The following EFNA5 variants were observed in gnomAD, a reference collection of about 807,000 sequenced individuals.
EFNA5 encodes the protein ephrin-A5.
Under a neutral mutation model 22.9 loss-of-function variants are expected in EFNA5, and 5 were observed. That is an observed-to-expected ratio of 0.22 (90% CI 0.11 to 0.46). EFNA5 has a LOEUF of 0.46. Among genes scored for constraint, EFNA5 ranks in the 20% least tolerant of loss-of-function variants. The pLI is 0.99. For synonymous variants in EFNA5, 113 were observed against 112.2 expected, an observed-to-expected ratio of 1.01 and a Z score of -0.04; for missense variants, 237 against 293.3, an observed-to-expected ratio of 0.81 and a Z score of 1.40.
chr5:107,489,179 T>C lies in EFNA5; in HGVS notation c.126-61670A>G, dbSNP rs1314911364. Among the ~76,000 whole-genome samples the C allele has an allele frequency of 2.0e-5, 3 of 152,080 alleles. No individual in the cohort carries two copies. The East Asian group carries it at 5.8e-4, about 29-fold the overall frequency. On this transcript the variant is annotated intron_variant, in intron 1 of 4. Coordinates refer to ENST00000333274, the MANE Select transcript of EFNA5 (RefSeq NM_001962.3). The stretch of plus-strand genomic sequence containing the variant: ...ACTCATGTATTGGACCAGACAAAAT[T>C]TGTTTGTTTATTTAGATGGAGTCTT...
rs891353507 is a variant in EFNA5, at chr5:107,431,564, C to T, written c.126-4055G>A. 3.3e-5 allele frequency among the ~76,000 whole-genome samples: 5 copies of T among 152,156 alleles called. No individual in the cohort carries two copies. The South Asian group carries it at 6.2e-4, about 19-fold the overall frequency. On this transcript the variant is annotated intron_variant, in intron 1 of 4. Coordinates refer to ENST00000333274, the MANE Select transcript of EFNA5 (RefSeq NM_001962.3). ...AAATTGAGATTAAGAAGTCAAGCAACGTGCCCAATATTACACAACTAGTAA... is the reference window on the plus strand; with the variant it reads ...AAATTGAGATTAAGAAGTCAAGCAATGTGCCCAATATTACACAACTAGTAA...
chr5:107,660,955 T>C (rs1293014334), intron 1 of EFNA5, among the ~76,000 whole-genome samples: 4 of 152,064 alleles, frequency 2.6e-5, no homozygotes, highest in Non-Finnish European at 5.9e-5. Flanking sequence ...TAAAAGTTTA[T>C]TGAAGCAGTA....
At chr5:107,597,461 T>C (rs559389664) in intron 1 of EFNA5, among the ~76,000 whole-genome samples, 1 of 152,324 alleles carries the variant, frequency 6.6e-6, no homozygotes, top group Admixed American at 6.5e-5. Context: ...ATCTAGTTTT[T>C]TCAGAGCACT....
At chr5:107,410,813 T>C (rs1184378909) in intron 2 of EFNA5, among the ~76,000 whole-genome samples, 2 of 152,228 alleles carry the variant, frequency 1.3e-5, no homozygotes, top group African/African-American at 4.8e-5. Context: ...GACTCACTTA[T>C]ATGACTGGCC....
chr5:107,600,293 C>T (rs1414286526), intron 1 of EFNA5, among the ~76,000 whole-genome samples: 4 of 152,134 alleles, frequency 2.6e-5, no homozygotes, highest in Non-Finnish European at 5.9e-5. Flanking sequence ...ACTGTAATGG[C>T]ATGCATTTAA....
intron 1 of EFNA5, among the ~76,000 whole-genome samples, chr5:107,489,203 T>TATTTAGA (rs1746730777): frequency 6.6e-6 from 1 of 152,210 alleles, no homozygotes; most frequent in Admixed American, 6.5e-5. Flanking sequence ...AGATGGAGTC[T>TATTTAGA]TGCTCTGTCA....
intron 1 of EFNA5, among the ~76,000 whole-genome samples, chr5:107,517,821 C>T (rs1294758718): frequency 6.6e-6 from 1 of 152,192 alleles, no homozygotes; most frequent in Non-Finnish European, 1.5e-5. Flanking sequence ...ATCTATTAAA[C>T]TCATATTTTC....
chr5:107,618,686 T>A (rs141786186), intron 1 of EFNA5, among the ~76,000 whole-genome samples: 2 of 152,160 alleles, frequency 1.3e-5, no homozygotes, highest in African/African-American at 4.8e-5. Context: ...AGAAAACTTA[T>A]ACAAAACAAG....
intron 2 of EFNA5, among the ~76,000 whole-genome samples, chr5:107,393,643 C>G (rs1484086714): frequency 6.6e-6 from 1 of 152,180 alleles, no homozygotes; most frequent in Non-Finnish European, 1.5e-5. Flanking sequence ...TTTCTCAATT[C>G]GTGCAAGTCA....
chr5:107,463,053 G>A lies in EFNA5; in HGVS notation c.126-35544C>T, dbSNP rs193172363. 4.4e-3 allele frequency among the ~76,000 whole-genome samples: 675 copies of A among 152,174 alleles called. 3 individuals carry two copies. The highest frequency in any genetic ancestry group is 4.9e-3 in the Non-Finnish European group (332 of 67,988). On this transcript the variant is annotated intron_variant, in intron 1 of 4. Transcript: ENST00000333274. ...GGTTCAGTTTCCTCATCTATGAAGC[G>A]GGGGATGGAGTAGCTGAGATTAGAT...
chr5:107,657,012 C>G (rs1250994219), intron 1 of EFNA5, among the ~76,000 whole-genome samples: 1 of 152,004 alleles, frequency 6.6e-6, no homozygotes, highest in Non-Finnish European at 1.5e-5. Context: ...CAAAAAAGTA[C>G]ATAAACACAA....
intron 1 of EFNA5, among the ~76,000 whole-genome samples, chr5:107,471,586 A>T (rs951429729): frequency 1.8e-4 from 27 of 152,298 alleles, no homozygotes; most frequent in African/African-American, 6.5e-4. Context: ...TAGTCAGTTG[A>T]TGATAGAAAC....
chr5:107,600,506 C>G (rs939557115), intron 1 of EFNA5, among the ~76,000 whole-genome samples: 22 of 148,806 alleles, frequency 1.5e-4, no homozygotes, highest in African/African-American at 4.8e-4. Flanking sequence ...TTTTTTTTGG[C>G]CACAGAGTCT....
At chr5:107,498,866 C>T (rs1196516) in intron 1 of EFNA5, among the ~76,000 whole-genome samples, 30,638 of 152,070 alleles carry the variant, frequency 0.2, 3,995 homozygotes, top group African/African-American at 0.36. Context: ...AGGGGATAGA[C>T]TACATATGGT....
intron 2 of EFNA5, among the ~76,000 whole-genome samples, chr5:107,405,601 C>T (rs1033097282): frequency 2.0e-5 from 3 of 151,898 alleles, no homozygotes; most frequent in Non-Finnish European, 2.9e-5. Context: ...TTTAACAGAC[C>T]GAATTCACAG....
chr5:107,414,059 C>A (rs950712238), intron 2 of EFNA5, among the ~76,000 whole-genome samples: 3 of 152,150 alleles, frequency 2.0e-5, no homozygotes, highest in Non-Finnish European at 2.9e-5. Flanking sequence ...CCCATCCATT[C>A]CTACTTTAAG....
chr5:107,655,713 C>T (rs1368088494), intron 1 of EFNA5, among the ~76,000 whole-genome samples: 4 of 152,064 alleles, frequency 2.6e-5, no homozygotes, highest in African/African-American at 9.7e-5. Context: ...ATCTAAATAA[C>T]TATAAACATA....
intron 1 of EFNA5, among the ~76,000 whole-genome samples, chr5:107,464,120 G>A (rs1350700682): frequency 6.6e-6 from 1 of 152,104 alleles, no homozygotes; most frequent in African/African-American, 2.4e-5. Context: ...TTCAAAAAGA[G>A]GCAGGGAAAT....
chr5:107,511,937 A>G (rs1046797834), intron 1 of EFNA5, among the ~76,000 whole-genome samples: 2 of 152,200 alleles, frequency 1.3e-5, no homozygotes, highest in African/African-American at 4.8e-5. Context: ...CTTACATCAT[A>G]GTAAGACTTC....
Sources: allele counts gnomAD v4.1 joint callset (sites outside exome capture counted in the v4.1 genomes callset), GRCh38; gene constraint gnomAD v4.1.1; transcripts MANE v1.5; gene names NCBI Gene and HGNC (gene_info 2026-07-23, HGNC 2026-07-21).